The following ACOT11 variants were observed in gnomAD, a reference collection of about 807,000 sequenced individuals.
ACOT11 encodes acyl-coenzyme A thioesterase 11.
A neutral mutation model predicts 77.5 loss-of-function variants in ACOT11; 69 were observed. That is an observed-to-expected ratio of 0.89 (90% CI 0.73 to 1.09). The LOEUF is 1.09. ACOT11 is among the 50% of genes least tolerant of loss of function. ACOT11 has a pLI of 0.00. For missense variants in ACOT11, 766 were observed against 813.7 expected (o/e 0.94, Z 0.71); for synonymous variants, 279 against 313.0 (o/e 0.89, Z 1.15).
intron 16 of ACOT11, chr1:54,634,669 T>G: frequency 1.4e-6 from 1 of 701,456 alleles, no homozygotes; most frequent in Non-Finnish European, 2.6e-6. Flanking sequence ...GGGTAGAGGT[T>G]ATGCTTGCGT....
intron 1 of ACOT11, among the ~76,000 whole-genome samples, chr1:54,578,865 G>C (rs116659524): frequency 0.023 from 3,534 of 151,364 alleles, 133 homozygotes; most frequent in African/African-American, 0.081. Flanking sequence ...AGAATTGCTA[G>C]GGTAATACGT....
chr1:54,560,844 C>T (rs1205919132), intron 1 of ACOT11, among the ~76,000 whole-genome samples: 1 of 152,194 alleles, frequency 6.6e-6, no homozygotes, highest in Non-Finnish European at 1.5e-5. Flanking sequence ...TCGTCAGCCT[C>T]CTGAGTAGCT....
At chr1:54,628,831 G>A (rs1379920252) in intron 15 of ACOT11, among the ~76,000 whole-genome samples, 3 of 132,642 alleles carry the variant, frequency 2.3e-5, no homozygotes, top group South Asian at 5.0e-4. Flanking sequence ...AGGCTAAGGC[G>A]GGCGGATCAC....
intron 15 of ACOT11, among the ~76,000 whole-genome samples, chr1:54,624,929 A>G (rs1644262698): frequency 6.7e-6 from 1 of 148,604 alleles, no homozygotes; most frequent in South Asian, 2.2e-4. Context: ...GTGAGTGGTG[A>G]GTCTGGGGGT....
exon 17 of ACOT11, chr1:54,635,036 GAC>G (rs1557680329): frequency 2.6e-6 from 1 of 388,730 alleles, no homozygotes; most frequent in Non-Finnish European, 4.5e-6. Flanking sequence ...ATCATTCTAT[GAC>G]ACAGTTACAC....
At chr1:54,599,115 C>T (rs1292954153) in intron 7 of ACOT11, among the ~76,000 whole-genome samples, 181 bp from the exon 8 acceptor site, 1 of 122,846 alleles carries the variant, frequency 8.1e-6, no homozygotes, top group Non-Finnish European at 1.6e-5. Context: ...CATTGCACTC[C>T]AGCCTGGGCA....
chr1:54,551,575 G>A (rs1004496378), intron 1 of ACOT11, among the ~76,000 whole-genome samples: 3 of 152,086 alleles, frequency 2.0e-5, no homozygotes, highest in Non-Finnish European at 2.9e-5. Context: ...TGGTGCCCTC[G>A]TAGGAGGTGG....
intron 1 of ACOT11, among the ~76,000 whole-genome samples, chr1:54,556,584 A>G (rs1296466129): frequency 6.6e-6 from 1 of 151,274 alleles, no homozygotes; most frequent in East Asian, 1.9e-4. Context: ...TTTTCATTGT[A>G]GAGTTTTTTT....
Position 54,607,067 on chromosome 1 carries a change from G to A in ACOT11, c.1371-67G>A. 7 of 1,602,296 alleles carry A rather than the reference G, an allele frequency of 4.4e-6. No homozygotes were observed. The highest frequency in any genetic ancestry group is 6.0e-6 in the Non-Finnish European group (7 of 1,174,154). On this transcript the variant is annotated intron_variant, in intron 13 of 15. Coordinates refer to ENST00000343744, the MANE Select transcript of ACOT11 (RefSeq NM_147161.4). This position sits in a 1 kb window ranked among gnomAD's most constrained non-coding sequence, Gnocchi z 4.5. ...AGGCACTGCAGTGTGGCAGGGCCCG[G>A]GCAGACCCGCTGCTTGCATGGGAGC...
intron 8 of ACOT11, 125 bp from the exon 9 acceptor site, chr1:54,601,144 T>G: frequency 9.1e-7 from 1 of 1,095,462 alleles, no homozygotes; most frequent in Non-Finnish European, 1.3e-6. Flanking sequence ...TGCATACGTG[T>G]GTGTGTGTGC....
exon 16 of ACOT11, chr1:54,630,829 C>T (rs113917018): frequency 3.8e-5 from 29 of 768,380 alleles, no homozygotes; most frequent in East Asian, 2.9e-4. Context: ...GCAGGAGCGA[C>T]GGTTGGAATG....
rs144741986 is a variant in ACOT11, at chr1:54,594,052, G to A, written c.471+13G>A. The A allele has an allele frequency of 1.4e-3, 2,260 of 1,609,656 alleles. 27 individuals carry two copies. In the African/African-American group the frequency reaches 0.027, roughly 19 times the overall value. ...AGAGATCACCAAGGTAACTGGGTGCGCCTGGCTGCTGGAACGCTGCTCAGT... is the reference window on the plus strand; with the variant it reads ...AGAGATCACCAAGGTAACTGGGTGCACCTGGCTGCTGGAACGCTGCTCAGT... On this transcript the variant is annotated intron_variant, in intron 5 of 15. Transcript: ENST00000343744.
intron 1 of ACOT11, among the ~76,000 whole-genome samples, chr1:54,558,126 C>T (rs567012627): frequency 1.3e-5 from 2 of 152,342 alleles, no homozygotes; most frequent in African/African-American, 4.8e-5. Flanking sequence ...TCCACGGGTA[C>T]TTACTGTACT....
chr1:54,637,370 C>T (rs1569824006), exon 17 of ACOT11: 1 of 152,208 alleles, frequency 6.6e-6, no homozygotes, highest in East Asian at 1.9e-4. Flanking sequence ...GTACTTTCAG[C>T]TACTCAGGAA....
At position 54,609,369 on chromosome 1, in the gene ACOT11, TC is replaced by T. The variant is rs1481485147; in HGVS notation, c.*259del. The T allele has an allele frequency of 4.3e-6, 7 of 1,614,116 alleles. No homozygotes were observed. Among genetic ancestry groups the T allele is most frequent in the Non-Finnish European group, 5.9e-6 (7 of 1,180,010 alleles). On this transcript the variant is annotated 3_prime_UTR_variant, in exon 16 of 16. Coordinates refer to ENST00000343744, the MANE Select transcript of ACOT11 (RefSeq NM_147161.4). ...ACAGCCCTAGCTGCCAGCAATGCTGTCCTCACAGAGGCATAGTCGCCCCCAG... is the reference window on the plus strand; with the variant it reads ...ACAGCCCTAGCTGCCAGCAATGCTGTCTCACAGAGGCATAGTCGCCCCCAG...
chr1:54,607,011 A>AG lies in ACOT11; in HGVS notation c.1371-118dup. 7.2e-7 allele frequency: 1 copy of AG among 1,386,154 alleles called. No individual in the cohort carries two copies. The highest frequency in any genetic ancestry group is 1.4e-5 in the South Asian group (1 of 73,716). 85.9% of individuals were successfully genotyped at this position (1,386,154 alleles called of 1,614,324 possible). A position where few individuals can be genotyped will look rare whatever the true frequency, so the allele number is the denominator to read the frequency against. ...CCTGCTGGCCCTTGCTGAGCAGTAC[A>AG]GGGGGTGACATCCCATCACAGAAGC... On this transcript the variant is annotated intron_variant, in intron 13 of 15. Coordinates refer to ENST00000343744, the MANE Select transcript of ACOT11 (RefSeq NM_147161.4). The surrounding 1 kb of genome is among the most constrained non-coding windows in gnomAD (Gnocchi z 4.5).
rs1644034510 is a variant in ACOT11 at position 54,607,069 on chromosome 1, C to A, written c.1371-65C>A. ...GCACTGCAGTGTGGCAGGGCCCGGGCAGACCCGCTGCTTGCATGGGAGCTG... is the reference window on the plus strand; with the variant it reads ...GCACTGCAGTGTGGCAGGGCCCGGGAAGACCCGCTGCTTGCATGGGAGCTG... On this transcript the variant is annotated intron_variant, in intron 13 of 15. Coordinates refer to ENST00000343744, the MANE Select transcript of ACOT11 (RefSeq NM_147161.4). The surrounding 1 kb of genome is among the most constrained non-coding windows in gnomAD (Gnocchi z 4.5). The A allele has an allele frequency of 1.9e-6, 3 of 1,602,914 alleles. No individual in the cohort carries two copies. The highest frequency in any genetic ancestry group is 2.2e-5 in the East Asian group (1 of 44,712).
At chr1:54,556,586 A>G (rs143784331) in intron 1 of ACOT11, among the ~76,000 whole-genome samples, 2 of 150,260 alleles carry the variant, frequency 1.3e-5, no homozygotes, top group Non-Finnish European at 3.0e-5. Flanking sequence ...TTCATTGTAG[A>G]GTTTTTTTTT....
intron 1 of ACOT11, among the ~76,000 whole-genome samples, chr1:54,561,248 G>C (rs1223110431): frequency 6.7e-5 from 8 of 118,992 alleles, no homozygotes; most frequent in Admixed American, 9.1e-5. Context: ...AGGACCCTGC[G>C]GCCTTCCGCA....
Sources: gnomAD v4.1 joint callset for allele counts (sites outside exome capture counted in the v4.1 genomes callset) on GRCh38, gnomAD v4.1.1 for gene constraint, Gnocchi (gnomAD v3.1) non-coding constraint, MANE v1.5 for transcripts, NCBI Gene and HGNC (gene_info 2026-07-23, HGNC 2026-07-21) for gene names.